The following HERC1 variants were observed in gnomAD, a reference collection of about 807,000 sequenced individuals.
HERC1 encodes the protein probable E3 ubiquitin-protein ligase HERC1.
HERC1 carries 160 observed loss-of-function variants against 554.3 expected under a neutral mutation model. The ratio of observed to expected loss-of-function variants is 0.29; its 90% CI spans 0.25 to 0.33. The LOEUF (loss-of-function observed/expected upper bound fraction) is 0.33, where lower values mean the gene tolerates loss of function less well. HERC1 is among the 10% of genes least tolerant of loss of function. The pLI is 1.00. For missense variants in HERC1, 4,919 were observed against 5,918.5 expected, an observed-to-expected ratio of 0.83 and a Z score of 5.54; for synonymous variants, 2,175 against 2,131.7, an observed-to-expected ratio of 1.02 and a Z score of -0.56.
rs192460087 is a variant in HERC1 at position 63,748,141 on chromosome 15, G to A, written c.2220-283C>T. 3.3e-3 allele frequency among the ~76,000 whole-genome samples: 499 copies of A among 152,140 alleles called. 2 individuals are homozygous for A. Among genetic ancestry groups the A allele is most frequent in the Admixed American group, 4.8e-3 (74 of 15,268 alleles). ...CCCAGGAGGCTAAGGCAGGGGAATC[G>A]CTTGAACCTGGGAAGCAGACACTGC... On this transcript the variant is annotated intron_variant, in intron 10 of 77. Coordinates refer to ENST00000443617, the MANE Select transcript of HERC1 (RefSeq NM_003922.4).
intron 1 of HERC1, among the ~76,000 whole-genome samples, chr15:63,817,480 C>A (rs1042632945): frequency 1.8e-4 from 27 of 152,050 alleles, no homozygotes; most frequent in African/African-American, 6.5e-4. Context: ...TTTGGGTGGC[C>A]GAGGCAGGTG....
At chr15:63,825,082 G>A (rs140788466) in intron 1 of HERC1, among the ~76,000 whole-genome samples, 104 of 152,240 alleles carry the variant, frequency 6.8e-4, no homozygotes, top group African/African-American at 2.4e-3. Flanking sequence ...GCCGAGGCAG[G>A]GAGATCACTT....
At chr15:63,611,417 C>T (rs1182091537) in intron 77 of HERC1, among the ~76,000 whole-genome samples, 1 of 152,182 alleles carries the variant, frequency 6.6e-6, no homozygotes, top group Non-Finnish European at 1.5e-5. Context: ...CCTCTTATTC[C>T]TAAGCCATCT....
rs1282583818 is a variant in HERC1, at chr15:63,716,202, G to T, written c.4150+100C>A. ...ACCAGCAGAATATAAAGTCCTTTTA[G>T]AAAAACTATGGAGAAACTTTGCCTT... On this transcript the variant is annotated intron_variant, in intron 22 of 77. Transcript: ENST00000443617. 7 of 1,140,662 alleles carry T rather than the reference G, an allele frequency of 6.1e-6. No individual in the cohort carries two copies. The South Asian group carries it at 1.1e-4, about 17-fold the overall frequency. The allele number at this position is 1,140,662 out of a possible 1,614,324, so 70.7% of individuals were successfully genotyped here.
Position 63,633,894 on chromosome 15 carries a change from T to C in HERC1, c.12647A>G (p.Tyr4216Cys). Residue 4216 changes from tyrosine (Y) to cysteine (C), a missense_variant, in exon 67 of 78, where the codon TAT becomes TGT. Transcript: ENST00000443617. ...SMVWAFGDGD[Y>C]GKLGLGNSTA... ...GGAATTTCCTAAGCCTAGTTTTCCATAGTCTCCATCTCCAAAAGCCCACAC... is the reference window on the plus strand; with the variant it reads ...GGAATTTCCTAAGCCTAGTTTTCCACAGTCTCCATCTCCAAAAGCCCACAC... 2 of 1,613,724 alleles carry C rather than the reference T, an allele frequency of 1.2e-6. No individual in the cohort carries two copies. The highest frequency in any genetic ancestry group is 1.1e-5 in the South Asian group (1 of 90,982).
At position 63,758,088 on chromosome 15, in the gene HERC1, T is replaced by TA. The variant is rs2075491916; in HGVS notation, c.1221+86dup. The TA allele has an allele frequency of 2.1e-6, 2 of 941,546 alleles. No individual in the cohort carries two copies. The highest frequency in any genetic ancestry group is 4.9e-5 in the Admixed American group (2 of 41,122). The allele number at this position is 941,546 out of a possible 1,614,324, so 58.3% of individuals were successfully genotyped here. On this transcript the variant is annotated intron_variant, in intron 4 of 77. Transcript: ENST00000443617. The surrounding 1 kb of genome is among the most constrained non-coding windows in gnomAD (Gnocchi z 4.0). ...TAACCATCGATAATTTTCACTCATT[T>TA]AAAAAATACTCAGTATTATTTAATG...
rs2071262754 is a variant in HERC1, at chr15:63,677,337, G to T, written c.7070+508C>A. Among the ~76,000 whole-genome samples, 1 of 152,152 alleles carries T rather than the reference G, an allele frequency of 6.6e-6. No individual in the cohort carries two copies. The highest frequency in any genetic ancestry group is 1.5e-5 in the Non-Finnish European group (1 of 68,008). ...TGTAACTTTCACATCTAATCAAAAT[G>T]TTTACATTGAGGGGATAGAAATATG... On this transcript the variant is annotated intron_variant, in intron 37 of 77. Transcript: ENST00000443617. This position sits in a 1 kb window ranked among gnomAD's most constrained non-coding sequence, Gnocchi z 4.4.
At chr15:63,672,453 C>T (rs757952890) in intron 39 of HERC1, 43 bp downstream of exon 39, 2 of 1,407,082 alleles carry the variant, frequency 1.4e-6, no homozygotes, top group Non-Finnish European at 1.9e-6. Context: ...CCTTCAGAAA[C>T]ACAGGCATCA....
intron 76 of HERC1, among the ~76,000 whole-genome samples, chr15:63,614,220 G>A (rs1380689050): frequency 1.3e-5 from 2 of 152,200 alleles, no homozygotes; most frequent in African/African-American, 4.8e-5. Context: ...ACCCTCAGAA[G>A]AAGGGTCATC....
chr15:63,617,648 C>A (rs561283677), intron 74 of HERC1, among the ~76,000 whole-genome samples: 1 of 152,310 alleles, frequency 6.6e-6, no homozygotes, highest in East Asian at 1.9e-4. Flanking sequence ...GTTCCTATTT[C>A]TCCACATTCT....
In HERC1 at chr15:63,718,121, C is replaced by CAT. The variant is rs1555427722; in HGVS notation, c.3978+452_3978+453insAT. On this transcript the variant is annotated intron_variant, in intron 21 of 77. Transcript: ENST00000443617. This position sits in a 1 kb window ranked among gnomAD's most constrained non-coding sequence, Gnocchi z 4.2. ...ACACACACACACACACACACACACA[C>CAT]ACAACCCCCTCCTTGGTTTTCACTT... Among the ~76,000 whole-genome samples, 8,361 of 142,972 alleles carry CAT rather than the reference C, an allele frequency of 0.058. 416 individuals are homozygous for CAT. Among genetic ancestry groups the CAT allele is most frequent in the African/African-American group, 0.075 (2,839 of 38,064 alleles). 93.8% of individuals were successfully genotyped at this position (142,972 alleles called of 152,430 possible).
At chr15:63,744,148 GTGTGTGTGTGTGTGTGTCTCTCTC>G (rs1273957115) in intron 12 of HERC1, among the ~76,000 whole-genome samples, 13 of 42,482 alleles carry the variant, frequency 3.1e-4, no homozygotes, top group African/African-American at 8.8e-4. Context: ...GTGTGTGTGT[GTGTGTGTGTGTGTGTGTCTCTCTC>G]TCTCTCTCTC....
chr15:63,695,183 A>G lies in HERC1; in HGVS notation c.5122-289T>C, dbSNP rs62014217. ...CCCAAGTAGCTGGGACTACAGGCAC[A>G]TACCACCACACTTGGCTAATTTTTT... On this transcript the variant is annotated intron_variant, in intron 27 of 77. Transcript: ENST00000443617. Among the ~76,000 whole-genome samples the G allele has an allele frequency of 0.14, 21,792 of 151,680 alleles. 2,127 individuals carry two copies. The highest frequency in any genetic ancestry group is 0.21 in the Middle Eastern group (63 of 294).
chr15:63,774,838 T>C lies in HERC1; in HGVS notation c.786A>G (p.Arg262=), dbSNP rs2228515. The C allele has an allele frequency of 0.018, 28,745 of 1,613,960 alleles. 411 individuals carry two copies. The highest frequency in any genetic ancestry group is 0.068 in the African/African-American group (5,074 of 75,026). Residue 262 remains arginine, a synonymous_variant, in exon 2 of 78, where the codon CGA becomes CGG. Coordinates refer to ENST00000443617, the MANE Select transcript of HERC1 (RefSeq NM_003922.4). ...CCATTTCTATCCATTCAAGAAGATA[T>C]CGCAATGAGCCTCGTTGAGCTGCCA... ...LGLAAQRGSL[R]YLLEWIEMAL... is the part of the protein sequence containing the mutation.
chr15:63,714,782 C>T (rs1466106990), intron 22 of HERC1, among the ~76,000 whole-genome samples: 2 of 151,748 alleles, frequency 1.3e-5, no homozygotes, highest in East Asian at 1.9e-4. Flanking sequence ...CTCCTGACCT[C>T]GTGATCCGCC....
intron 26 of HERC1, 87 bp from the exon 27 acceptor site, chr15:63,696,426 T>C: frequency 1.2e-6 from 1 of 834,048 alleles, no homozygotes; most frequent in Non-Finnish European, 1.9e-6. Flanking sequence ...TTTTAACACT[T>C]AGAAAATTCT....
At chr15:63,801,704 A>C (rs774550323) in intron 1 of HERC1, among the ~76,000 whole-genome samples, 2 of 152,174 alleles carry the variant, frequency 1.3e-5, no homozygotes, top group Non-Finnish European at 2.9e-5. Context: ...TTAATCTCAC[A>C]TATTATCTTA....
intron 24 of HERC1, among the ~76,000 whole-genome samples, chr15:63,708,571 T>C (rs191848253): frequency 1.3e-5 from 2 of 152,264 alleles, no homozygotes; most frequent in African/African-American, 4.8e-5. Flanking sequence ...TGTCAAACAG[T>C]TAAACTTAGG....
At chr15:63,696,735 A>T (rs1033635743) in intron 26 of HERC1, among the ~76,000 whole-genome samples, 2 of 152,160 alleles carry the variant, frequency 1.3e-5, no homozygotes, top group Non-Finnish European at 2.9e-5. Context: ...AAGGAGATAT[A>T]TGTGAAGGTT....
Sources: allele counts gnomAD v4.1 joint callset (sites outside exome capture counted in the v4.1 genomes callset), GRCh38; gene constraint gnomAD v4.1.1; non-coding constraint Gnocchi (gnomAD v3.1); transcripts MANE v1.5; gene names NCBI Gene and HGNC (gene_info 2026-07-23, HGNC 2026-07-21).